NAA35: variants seen among roughly 807,000 people sequenced by gnomAD.
NAA35 encodes MAK10 homolog, amino-acid N-acetyltransferase subunit.
NAA35 carries 18 observed loss-of-function variants against 101.7 expected under a neutral mutation model. The ratio of observed to expected loss-of-function variants is 0.18; its 90% CI spans 0.12 to 0.26. The LOEUF (loss-of-function observed/expected upper bound fraction) is 0.26, where lower values mean the gene tolerates loss of function less well. Among genes scored for constraint, NAA35 ranks in the 10% least tolerant of loss-of-function variants. The probability of loss-of-function intolerance (pLI) is 1.00; values close to 1 mark genes in which losing one functional copy is unlikely to be tolerated. For synonymous variants in NAA35, 267 were observed against 273.1 expected, an observed-to-expected ratio of 0.98 and a Z score of 0.22; for missense variants, 601 against 886.8, an observed-to-expected ratio of 0.68 and a Z score of 4.09.
At chr9:85,999,670 T>C (rs1337557051) in intron 12 of NAA35, among the ~76,000 whole-genome samples, 1 of 152,240 alleles carries the variant, frequency 6.6e-6, no homozygotes, top group African/African-American at 2.4e-5. Context: ...TTTAGAATTT[T>C]CTCAGCAAGC....
chr9:85,959,916 C>G (rs1316029962), intron 5 of NAA35, 49 bp downstream of exon 5: 1 of 1,366,834 alleles, frequency 7.3e-7, no homozygotes, highest in Non-Finnish European at 1.0e-6. Context: ...TGTGACTTAC[C>G]TGAATCTTGT....
At chr9:85,978,240 G>C (rs1564302610) in intron 10 of NAA35, 27 bp from the exon 11 acceptor site, 3 of 1,322,586 alleles carry the variant, frequency 2.3e-6, no homozygotes, top group Admixed American at 3.4e-5. Flanking sequence ...GAATATGTAA[G>C]AATGTTTTTG....
Position 86,022,472 on chromosome 9 carries a change from T to C in NAA35, c.*512T>C, listed in dbSNP as rs1057464975. Among the ~76,000 whole-genome samples the C allele has an allele frequency of 6.6e-6, 1 of 151,894 alleles. No individual in the cohort carries two copies. The highest frequency in any genetic ancestry group is 1.5e-5 in the Non-Finnish European group (1 of 68,034). On this transcript the variant is annotated 3_prime_UTR_variant, in exon 23 of 23. Transcript: ENST00000361671. Reference sequence around the variant, plus strand: ...GGTAAAATACATTTAGAAGGGATTTTTGGGAGGGCCTCTAAATTACATGAA... The same window carrying C: ...GGTAAAATACATTTAGAAGGGATTTCTGGGAGGGCCTCTAAATTACATGAA...
At chr9:85,972,521 A>G (rs2118005434) in intron 6 of NAA35, among the ~76,000 whole-genome samples, 1 of 150,810 alleles carries the variant, frequency 6.6e-6, no homozygotes, top group South Asian at 2.1e-4. Flanking sequence ...AAAAAAAAAA[A>G]AAAAAAAAAA....
At chr9:85,973,751 T>G (rs1465556360) in intron 6 of NAA35, among the ~76,000 whole-genome samples, 1 of 143,124 alleles carries the variant, frequency 7.0e-6, no homozygotes, top group Non-Finnish European at 1.5e-5. Context: ...TGATGAGTGT[T>G]TTTTTTTTTT....
chr9:86,013,796 T>C lies in NAA35; in HGVS notation c.1467T>C (p.Gly489=). The C allele has an allele frequency of 6.2e-7, 1 of 1,614,200 alleles. No individual in the cohort carries two copies. Among genetic ancestry groups the C allele is most frequent in the Non-Finnish European group, 8.5e-7 (1 of 1,180,016 alleles). Residue 489 remains glycine (G), a synonymous_variant, in exon 17 of 23, where the codon GGT becomes GGC. Transcript: ENST00000361671. Reference sequence around the variant, plus strand: ...AAAGGCAACATTTGGCCTGTTTAGGTACCTGGGTCCTTTACCATAACCTTC... The same window carrying C: ...AAAGGCAACATTTGGCCTGTTTAGGCACCTGGGTCCTTTACCATAACCTTC... ...EPQRQHLACL[G]TWVLYHNLRI...
intron 13 of NAA35, among the ~76,000 whole-genome samples, chr9:86,006,163 C>G (rs933268099): frequency 6.6e-6 from 1 of 151,546 alleles, no homozygotes; most frequent in Non-Finnish European, 1.5e-5. Context: ...GAGCGAGACC[C>G]CATCTCAAAA....
chr9:85,954,773 A>G (rs1041794495), intron 2 of NAA35, among the ~76,000 whole-genome samples: 1 of 152,172 alleles, frequency 6.6e-6, no homozygotes, highest in African/African-American at 2.4e-5. Flanking sequence ...TCATTAGTAC[A>G]GGTGTCAACA....
At chr9:86,015,767 C>T (rs1439654429) in intron 17 of NAA35, 2 of 972,850 alleles carry the variant, frequency 2.1e-6, no homozygotes, top group Non-Finnish European at 2.4e-6. Context: ...GTCCCCTTCA[C>T]TCATGTGTCC....
intron 6 of NAA35, among the ~76,000 whole-genome samples, chr9:85,968,994 C>T (rs943911992): frequency 5.3e-5 from 8 of 152,204 alleles, no homozygotes; most frequent in East Asian, 3.9e-4. Flanking sequence ...ATTGTGAAAC[C>T]TATCAGATAA....
chr9:85,987,276 G>C (rs2118158825), intron 11 of NAA35, among the ~76,000 whole-genome samples: 1 of 152,282 alleles, frequency 6.6e-6, no homozygotes, highest in African/African-American at 2.4e-5. Flanking sequence ...AGTTAAAAAT[G>C]TTGTGTGTAT....
Position 86,022,220 on chromosome 9 carries a change from A to G in NAA35, c.*260A>G, listed in dbSNP as rs1308777907. Reference sequence around the variant, plus strand: ...CGTTATATGGTTTTATTACAGATTTAATCACAAATCATTTTTTATGAATGA... The same window carrying G: ...CGTTATATGGTTTTATTACAGATTTGATCACAAATCATTTTTTATGAATGA... On this transcript the variant is annotated 3_prime_UTR_variant, in exon 23 of 23. Transcript: ENST00000361671. 4 of 300,018 alleles carry G rather than the reference A, an allele frequency of 1.3e-5. No individual in the cohort carries two copies. Among genetic ancestry groups the G allele is most frequent in the African/African-American group, 6.6e-5 (3 of 45,424 alleles). The allele number at this position is 300,018 out of a possible 1,614,324, so 18.6% of individuals were successfully genotyped here.
In NAA35 at chr9:85,976,668, C is replaced by G; in HGVS notation, c.628-17C>G. 2 of 1,555,376 alleles carry G rather than the reference C, an allele frequency of 1.3e-6. No homozygotes were observed. The highest frequency in any genetic ancestry group is 1.7e-6 in the Non-Finnish European group (2 of 1,152,716). On this transcript the variant is annotated splice_polypyrimidine_tract_variant and intron_variant, in intron 8 of 22. Transcript: ENST00000361671. The stretch of plus-strand genomic sequence containing the variant: ...TTTTTCAGGTTTGTGTTTAATTCAC[C>G]TTTTTTAAAATTTTAGAGTACTCGA...
Position 86,017,727 on chromosome 9 carries a change from A to G in NAA35, c.1773+162A>G, listed in dbSNP as rs74675234. ...TTTATTATCATTAATTTTTTCAACA[A>G]CCATTTGAACCCTTGCTTATGTGTG... is the stretch of plus-strand genomic sequence containing the variant. On this transcript the variant is annotated intron_variant, in intron 19 of 22. Transcript: ENST00000361671. 1.4e-3 allele frequency among the ~76,000 whole-genome samples: 206 copies of G among 152,192 alleles called. 5 individuals carry two copies. In the East Asian group the frequency reaches 0.037, roughly 28 times the overall value.
chr9:86,009,942 C>T lies in NAA35; in HGVS notation c.1290+11C>T. The T allele has an allele frequency of 6.2e-7, 1 of 1,607,082 alleles. No homozygotes were observed. The highest frequency in any genetic ancestry group is 8.5e-7 in the Non-Finnish European group (1 of 1,173,812). Reference sequence around the variant, plus strand: ...ACTCACTGTGTTCGGGTAAGAGCTACAATTTGGATTGTCATAATGGGTACT... The same window carrying T: ...ACTCACTGTGTTCGGGTAAGAGCTATAATTTGGATTGTCATAATGGGTACT... On this transcript the variant is annotated intron_variant, in intron 15 of 22. Coordinates refer to ENST00000361671, the MANE Select transcript of NAA35 (RefSeq NM_024635.4).
At chr9:85,995,978 A>G (rs1831136287) in intron 11 of NAA35, among the ~76,000 whole-genome samples, 1 of 152,138 alleles carries the variant, frequency 6.6e-6, no homozygotes, top group East Asian at 1.9e-4. Context: ...GTTTGAATGG[A>G]TTCTACTGTT....
intron 13 of NAA35, 82 bp downstream of exon 13, chr9:86,003,726 G>C: frequency 1.2e-6 from 1 of 801,466 alleles, no homozygotes; most frequent in Admixed American, 2.9e-5. Context: ...TGAACAAAAG[G>C]TAGATGCTTT....
intron 11 of NAA35, among the ~76,000 whole-genome samples, chr9:85,993,820 C>T (rs988525480): frequency 1.3e-5 from 2 of 151,848 alleles, no homozygotes; most frequent in African/African-American, 2.4e-5. Flanking sequence ...AAACCCTTTG[C>T]ATCTATTAGA....
rs916210619 is a variant in NAA35 at position 86,012,982 on chromosome 9, G to A, written c.1291-64G>A. On this transcript the variant is annotated intron_variant, in intron 15 of 22. Transcript: ENST00000361671. ...TTAAACCAGATTGTGAACTTGGAAT[G>A]TTAAGTTTCTTTGGTACTAGGAAAT... 4 of 1,132,794 alleles carry A rather than the reference G, an allele frequency of 3.5e-6. No individual in the cohort carries two copies. The Admixed American group carries it at 9.3e-5, about 26-fold the overall frequency. The allele number at this position is 1,132,794 out of a possible 1,614,324, so 70.2% of individuals were successfully genotyped here. A position where few individuals can be genotyped will look rare whatever the true frequency, so the allele number is the denominator to read the frequency against.
Sources: gnomAD v4.1 joint callset for allele counts (sites outside exome capture counted in the v4.1 genomes callset) on GRCh38, gnomAD v4.1.1 for gene constraint, MANE v1.5 for transcripts, NCBI Gene and HGNC (gene_info 2026-07-23, HGNC 2026-07-21) for gene names.